Variants in ADAM17 observed in about 807,000 individuals in gnomAD.
ADAM17 encodes disintegrin and metalloproteinase domain-containing protein 17.
In ADAM17, 39 loss-of-function variants were observed where a neutral mutation model predicts 96.7. The observed-to-expected ratio is 0.40, with a 90% CI of 0.31 to 0.53. ADAM17 has a LOEUF of 0.53. Ranked by LOEUF, ADAM17 falls within the 20% of genes least tolerant of loss-of-function variation. The pLI, the probability that ADAM17 is intolerant of heterozygous loss-of-function variation, is 0.44. For missense variants in ADAM17, 777 were observed against 1,013.2 expected (o/e 0.77, Z 3.17); for synonymous variants, 344 against 359.2 (o/e 0.96, Z 0.48).
At chr2:9,495,639 G>C (rs1178129527) in intron 14 of ADAM17, among the ~76,000 whole-genome samples, 1 of 151,864 alleles carries the variant, frequency 6.6e-6, no homozygotes, top group East Asian at 1.9e-4. Context: ...ACTTGAACCC[G>C]GGAGGCGGAG....
chr2:9,531,434 G>T (rs561773825), intron 4 of ADAM17, among the ~76,000 whole-genome samples: 1 of 152,230 alleles, frequency 6.6e-6, no homozygotes, highest in East Asian at 1.9e-4. Context: ...GGATGCAGTG[G>T]CTCATGCCTG....
At position 9,550,687 on chromosome 2, in the gene ADAM17, C is replaced by T. The variant is rs182231744; in HGVS notation, c.97+4822G>A. Among the ~76,000 whole-genome samples, 1,041 of 151,712 alleles carry T rather than the reference C, an allele frequency of 6.9e-3. 14 individuals are homozygous for T. Among genetic ancestry groups the T allele is most frequent in the Non-Finnish European group, 8.3e-3 (564 of 67,858 alleles). ...CTTGAACTCCTGGCCTCAAGTCATCCGCCGGCCTCAGCCTCCCAAAGTGCT... is the reference window on the plus strand; with the variant it reads ...CTTGAACTCCTGGCCTCAAGTCATCTGCCGGCCTCAGCCTCCCAAAGTGCT... On this transcript the variant is annotated intron_variant, in intron 1 of 18. Transcript: ENST00000310823.
At chr2:9,555,450 C>T (rs2125049649) in intron 1 of ADAM17, 59 bp downstream of exon 1, 4 of 1,436,906 alleles carry the variant, frequency 2.8e-6, no homozygotes, top group Non-Finnish European at 3.7e-6. Flanking sequence ...AGCTCCCCTG[C>T]TCTTCCCTCA....
chr2:9,534,282 C>T (rs1371004384), intron 4 of ADAM17, among the ~76,000 whole-genome samples: 2 of 152,244 alleles, frequency 1.3e-5, no homozygotes, highest in African/African-American at 4.8e-5. Flanking sequence ...GGCGGGAGAA[C>T]CGCCTGAACC....
At chr2:9,521,059 A>G in intron 8 of ADAM17, 144 bp downstream of exon 8, 1 of 484,656 alleles carries the variant, frequency 2.1e-6, no homozygotes, top group Non-Finnish European at 3.8e-6. Context: ...GCTACATGGG[A>G]TGGGGTTACT....
At chr2:9,524,777 T>C (rs1231203172) in intron 6 of ADAM17, among the ~76,000 whole-genome samples, 1 of 152,190 alleles carries the variant, frequency 6.6e-6, no homozygotes, top group Non-Finnish European at 1.5e-5. Flanking sequence ...TCTTTTGTTC[T>C]CTGATTTGGG....
rs761183996 is a variant in ADAM17, at chr2:9,536,750, G to A, written c.309C>T (p.Asn103=). Residue 103 remains asparagine (N), a synonymous_variant, in exon 3 of 19, where the codon AAC becomes AAT. Transcript: ENST00000310823. ...NFKVVVVDGK[N]ESEYTVKWQD... is the part of the protein sequence containing the mutation. Reference sequence around the variant, plus strand: ...GCCATTTTACAGTGTACTCGCTTTCGTTTTTACCATCCACCACCACGACCT... The same window carrying A: ...GCCATTTTACAGTGTACTCGCTTTCATTTTTACCATCCACCACCACGACCT... 32 of 1,613,930 alleles carry A rather than the reference G, an allele frequency of 2.0e-5. No individual in the cohort carries two copies. The highest frequency in any genetic ancestry group is 1.5e-4 in the Admixed American group (9 of 60,004).
intron 4 of ADAM17, among the ~76,000 whole-genome samples, chr2:9,534,880 T>A (rs1160363671): frequency 3.3e-5 from 5 of 152,260 alleles, no homozygotes; most frequent in Non-Finnish European, 5.9e-5. Flanking sequence ...ATTCCAGTGA[T>A]GCTTTGCCTA....
intron 3 of ADAM17, 89 bp downstream of exon 3, chr2:9,536,609 T>C: frequency 6.4e-7 from 1 of 1,561,570 alleles, no homozygotes; most frequent in Non-Finnish European, 8.7e-7. Context: ...GTCCCCACTA[T>C]CCTGCACCAG....
chr2:9,514,518 AATATATATATAT>A (rs70948826), intron 10 of ADAM17, among the ~76,000 whole-genome samples: 1,426 of 89,700 alleles, frequency 0.016, 22 homozygotes, highest in Middle Eastern at 0.022. Flanking sequence ...TTAAAATATA[AATATATATATAT>A]ATATATATAT....
intron 11 of ADAM17, 150 bp downstream of exon 11, chr2:9,509,829 A>AAC: frequency 9.7e-7 from 1 of 1,034,454 alleles, no homozygotes; most frequent in Non-Finnish European, 1.4e-6. Context: ...TTCACCCCAA[A>AAC]ACACACAACC....
At chr2:9,547,633 G>A (rs1357549814) in intron 1 of ADAM17, among the ~76,000 whole-genome samples, 1 of 152,198 alleles carries the variant, frequency 6.6e-6, no homozygotes, top group Non-Finnish European at 1.5e-5. Context: ...CTACAGTGCA[G>A]AGCAGTACAG....
intron 2 of ADAM17, among the ~76,000 whole-genome samples, chr2:9,541,125 A>C (rs2125039205): frequency 6.6e-6 from 1 of 152,340 alleles, no homozygotes; most frequent in East Asian, 1.9e-4. Context: ...CTTTGGTTAA[A>C]CAATATCCAT....
At chr2:9,506,248 G>A (rs150513580) in intron 11 of ADAM17, among the ~76,000 whole-genome samples, 16 of 151,928 alleles carry the variant, frequency 1.1e-4, no homozygotes, top group Admixed American at 5.2e-4. Context: ...CCCTCCAAAG[G>A]TGCCTGTAAC....
chr2:9,507,602 A>C (rs780917132), intron 11 of ADAM17, among the ~76,000 whole-genome samples: 1 of 152,230 alleles, frequency 6.6e-6, no homozygotes, highest in Non-Finnish European at 1.5e-5. Context: ...AGAAAAACAC[A>C]GACTAAATAT....
At chr2:9,517,802 A>C in intron 10 of ADAM17, 99 bp downstream of exon 10, 1 of 701,884 alleles carries the variant, frequency 1.4e-6, no homozygotes, top group Non-Finnish European at 2.1e-6. Context: ...AAAAAACAGT[A>C]TATATTACAT....
At chr2:9,502,581 G>A (rs539931907) in intron 12 of ADAM17, among the ~76,000 whole-genome samples, 1 of 152,138 alleles carries the variant, frequency 6.6e-6, no homozygotes, top group Non-Finnish European at 1.5e-5. Context: ...ATTTAAAAAA[G>A]ACAAGATGGG....
intron 2 of ADAM17, among the ~76,000 whole-genome samples, chr2:9,539,474 G>C (rs756154107): frequency 1.3e-5 from 2 of 152,068 alleles, no homozygotes; most frequent in Non-Finnish European, 2.9e-5. Flanking sequence ...TTTTAAACAA[G>C]TTTCTTTTTT....
At position 9,498,411 on chromosome 2, in the gene ADAM17, G is replaced by T. The variant is rs1048552164; in HGVS notation, c.1649-1163C>A. On this transcript the variant is annotated intron_variant, in intron 13 of 18. Coordinates refer to ENST00000310823, the MANE Select transcript of ADAM17 (RefSeq NM_003183.6). ...GAATGAGTGAATCATTCTGGAAAAT[G>T]AATAGCACAAGTAGCTAAAAGTCAA... 5.9e-5 allele frequency among the ~76,000 whole-genome samples: 9 copies of T among 152,144 alleles called. No homozygotes were observed. In the South Asian group the frequency reaches 6.2e-4, roughly 10 times the overall value.
Sources: gnomAD v4.1 joint callset for allele counts (sites outside exome capture counted in the v4.1 genomes callset) on GRCh38, gnomAD v4.1.1 for gene constraint, MANE v1.5 for transcripts, NCBI Gene and HGNC (gene_info 2026-07-23, HGNC 2026-07-21) for gene names.